Variants in GPC3 observed in about 807,000 individuals in gnomAD.
The protein encoded by GPC3 is glypican-3.
GPC3 carries 3 observed loss-of-function variants against 34.4 expected under a neutral mutation model. That is an observed-to-expected ratio of 0.09 (90% CI 0.04 to 0.23). The LOEUF (loss-of-function observed/expected upper bound fraction) is 0.23. Ranked by LOEUF, GPC3 falls within the 10% of genes least tolerant of loss-of-function variation. GPC3 has a pLI of 1.00. For missense variants in GPC3, 351 were observed against 445.6 expected (o/e 0.79, Z 1.91); for synonymous variants, 177 against 174.0 (o/e 1.02, Z -0.13).
intron 1 of GPC3, among the ~76,000 whole-genome samples, chrX:133,982,794 G>C (rs1027122622): frequency 5.4e-5 from 6 of 111,960 alleles, no homozygotes; most frequent in African/African-American, 1.9e-4. Context: ...GGATGCAGAG[G>C]GGGGAAAGTC....
chrX:133,553,622 C>T (rs1913157578), intron 7 of GPC3, among the ~76,000 whole-genome samples: 1 of 111,364 alleles, frequency 9.0e-6, no homozygotes, highest in Non-Finnish European at 1.9e-5. Context: ...CTCATAGACT[C>T]CCTGTCATTT....
chrX:133,865,684 T>C (rs1209572722), intron 2 of GPC3, among the ~76,000 whole-genome samples: 3 of 112,239 alleles, frequency 2.7e-5, no homozygotes, highest in Non-Finnish European at 3.8e-5. Flanking sequence ...CATGTGGTAA[T>C]TGGTCAGCAA....
intron 2 of GPC3, among the ~76,000 whole-genome samples, chrX:133,849,301 TA>T (rs2075862033): frequency 9.1e-6 from 1 of 110,086 alleles, no homozygotes. Context: ...TATTCTCACC[TA>T]ATTATAACAA....
intron 2 of GPC3, among the ~76,000 whole-genome samples, chrX:133,871,052 T>C (rs1034395995): frequency 8.9e-6 from 1 of 111,906 alleles, no homozygotes; most frequent in African/African-American, 3.3e-5. Flanking sequence ...ATGTGGATAA[T>C]TCCTGGATTT....
At chrX:133,578,193 G>A (rs2069703881) in intron 7 of GPC3, among the ~76,000 whole-genome samples, 1 of 111,986 alleles carries the variant, frequency 8.9e-6, no homozygotes, top group African/African-American at 3.2e-5. Context: ...ATTTGCCCAA[G>A]GTGGAAACAG....
rs1019084468 is a variant in GPC3 at position 133,960,682 on chromosome X, T to G, written c.176-7471A>C. Among the ~76,000 whole-genome samples, 3 of 109,252 alleles carry G rather than the reference T, an allele frequency of 2.7e-5. No individual in the cohort carries two copies. In the Admixed American group the frequency reaches 2.9e-4, roughly 11 times the overall value. 94.9% of individuals were successfully genotyped at this position (109,252 alleles called of 115,157 possible). ...CACATTTCATTGCCAAGGTCTGCTT[T>G]ATGAATGGCAGATTATTTTTTTTTT... is the stretch of plus-strand genomic sequence containing the variant. On this transcript the variant is annotated intron_variant, in intron 1 of 7. Transcript: ENST00000370818.
chrX:133,668,484 T>C (rs1177641995), intron 5 of GPC3, among the ~76,000 whole-genome samples: 2 of 110,877 alleles, frequency 1.8e-5, no homozygotes, highest in Admixed American at 9.6e-5. Flanking sequence ...CTAGTGCTCC[T>C]TTTATGTATA....
intron 7 of GPC3, among the ~76,000 whole-genome samples, chrX:133,589,602 C>G (rs1263665863): frequency 9.0e-6 from 1 of 110,632 alleles, no homozygotes; most frequent in Non-Finnish European, 1.9e-5. Flanking sequence ...TCTTGAACTC[C>G]CGACTTCAGG....
Position 133,896,767 on chromosome X carries a change from C to T in GPC3, c.337+56283G>A, listed in dbSNP as rs769680242. ...TGATCTCATTTGTTCTTGACAACAA[C>T]TCCCTGAGGTAGGTGCTATTACAGC... On this transcript the variant is annotated intron_variant, in intron 2 of 7. Coordinates refer to ENST00000370818, the MANE Select transcript of GPC3 (RefSeq NM_004484.4). Among the ~76,000 whole-genome samples the T allele has an allele frequency of 4.5e-5, 5 of 111,545 alleles. No homozygotes were observed. In the East Asian group the frequency reaches 1.4e-3, roughly 31 times the overall value.
In GPC3 at chrX:133,660,690, A is replaced by G. The variant is rs1323458981; in HGVS notation, c.1413+1040T>C. 1.8e-5 allele frequency among the ~76,000 whole-genome samples: 2 copies of G among 111,691 alleles called. 1 individual carries two copies. The highest frequency in any genetic ancestry group is 3.8e-5 in the Non-Finnish European group (2 of 53,231). Reference sequence around the variant, plus strand: ...GCATTTTAATTGCTCATATCCTTTGACCCAATAACTTTAGCATGTTAAGAA... The same window carrying G: ...GCATTTTAATTGCTCATATCCTTTGGCCCAATAACTTTAGCATGTTAAGAA... On this transcript the variant is annotated intron_variant, in intron 6 of 7. Transcript: ENST00000370818.
chrX:133,647,031 A>C (rs2070551552), intron 6 of GPC3, among the ~76,000 whole-genome samples: 1 of 111,896 alleles, frequency 8.9e-6, no homozygotes, highest in South Asian at 3.8e-4. Context: ...TTCTGTACAT[A>C]CTTGAAAAGC....
intron 2 of GPC3, among the ~76,000 whole-genome samples, chrX:133,770,531 C>T (rs955136960): frequency 9.9e-5 from 11 of 111,375 alleles, no homozygotes; most frequent in South Asian, 3.9e-4. Context: ...TTGTGTTGTC[C>T]GAGCACCTCT....
At chrX:133,549,168 C>G (rs2069410974) in intron 7 of GPC3, among the ~76,000 whole-genome samples, 1 of 110,769 alleles carries the variant, frequency 9.0e-6, no homozygotes, top group African/African-American at 3.3e-5. Flanking sequence ...CACACAGGTG[C>G]CATCTCTTTT....
At position 133,959,312 on chromosome X, in the gene GPC3, A is replaced by C. The variant is rs142123828; in HGVS notation, c.176-6101T>G. ...AGTGGGACTTCAGCTTCTCTTTGCT[A>C]TGAAGTCCTATGCTTACCACATTCA... On this transcript the variant is annotated intron_variant, in intron 1 of 7. Coordinates refer to ENST00000370818, the MANE Select transcript of GPC3 (RefSeq NM_004484.4). Among the ~76,000 whole-genome samples, 19 of 112,271 alleles carry C rather than the reference A, an allele frequency of 1.7e-4. No individual in the cohort carries two copies. The East Asian group carries it at 4.2e-3, about 25-fold the overall frequency.
At chrX:133,733,941 C>T (rs2124465336) in intron 3 of GPC3, among the ~76,000 whole-genome samples, 1 of 111,988 alleles carries the variant, frequency 8.9e-6, no homozygotes, top group African/African-American at 3.2e-5. Context: ...GATGGCCTTA[C>T]TGGCAAATTC....
intron 1 of GPC3, among the ~76,000 whole-genome samples, chrX:133,983,905 C>T (rs1483517450): frequency 8.9e-6 from 1 of 112,520 alleles, no homozygotes; most frequent in South Asian, 3.7e-4. Flanking sequence ...TTAACATATG[C>T]GCAAATGCAT....
At chrX:133,763,355 G>A (rs2071815809) in intron 2 of GPC3, 3 of 549,523 alleles carry the variant, frequency 5.5e-6, no homozygotes, top group Non-Finnish European at 9.8e-6. Context: ...CACACGCGTG[G>A]TACCATTTCC....
intron 5 of GPC3, among the ~76,000 whole-genome samples, chrX:133,690,262 AGAG>A (rs775667183): frequency 1.8e-5 from 2 of 111,593 alleles, no homozygotes; most frequent in Admixed American, 1.9e-4. Flanking sequence ...TGTGTTGGAA[AGAG>A]GAGGAGTGAA....
intron 6 of GPC3, among the ~76,000 whole-genome samples, chrX:133,649,536 G>A (rs780288112): frequency 1.4e-4 from 15 of 110,974 alleles, no homozygotes; most frequent in African/African-American, 4.9e-4. Flanking sequence ...ACAGCTCGGG[G>A]AATGACATAA....
Sources: allele counts gnomAD v4.1 joint callset (sites outside exome capture counted in the v4.1 genomes callset), GRCh38; gene constraint gnomAD v4.1.1; transcripts MANE v1.5; gene names NCBI Gene and HGNC (gene_info 2026-07-23, HGNC 2026-07-21).